Variants in MAP3K5 observed in about 807,000 individuals in gnomAD.
MAP3K5 encodes ASK-1.
In MAP3K5, 56 loss-of-function variants were observed where a neutral mutation model predicts 158.7. The observed-to-expected ratio is 0.35, with a 90% confidence interval of 0.28 to 0.44. The LOEUF is 0.44. Among genes scored for constraint, MAP3K5 ranks in the 20% least tolerant of loss-of-function variants. The pLI is 1.00. For missense variants in MAP3K5, 1,294 were observed against 1,674.8 expected (o/e 0.77, Z 3.97); for synonymous variants, 579 against 601.7 (o/e 0.96, Z 0.55).
intron 1 of MAP3K5, among the ~76,000 whole-genome samples, chr6:136,777,893 C>G (rs1374118248): frequency 1.3e-5 from 2 of 152,126 alleles, no homozygotes; most frequent in African/African-American, 4.8e-5. Context: ...AAGCAAGCAA[C>G]ACAATTTTAT....
At chr6:136,653,226 A>G (rs2114415781) in intron 10 of MAP3K5, among the ~76,000 whole-genome samples, 1 of 152,356 alleles carries the variant, frequency 6.6e-6, no homozygotes, top group Non-Finnish European at 1.5e-5. Context: ...GAGGTAAGAA[A>G]AAAGAATAAA....
intron 14 of MAP3K5, among the ~76,000 whole-genome samples, chr6:136,632,685 G>A (rs1777429422): frequency 6.6e-6 from 1 of 152,098 alleles, no homozygotes; most frequent in Non-Finnish European, 1.5e-5. Flanking sequence ...AAATGAAGGG[G>A]CTGCAGGAAA....
chr6:136,724,337 C>A lies in MAP3K5; in HGVS notation c.449-3748G>T, dbSNP rs567599221. On this transcript the variant is annotated intron_variant, in intron 1 of 29. Coordinates refer to ENST00000359015, the MANE Select transcript of MAP3K5 (RefSeq NM_005923.4). ...AACCTCAGCTCACTGCAACCTCCAC[C>A]ACCCGGGTTCAAGTGTTTCTCCTAC... Among the ~76,000 whole-genome samples the A allele has an allele frequency of 6.5e-4, 98 of 151,694 alleles. 1 individual carries two copies. The highest frequency in any genetic ancestry group is 4.4e-3 in the South Asian group (21 of 4,796).
chr6:136,701,885 A>G (rs1562627173), intron 3 of MAP3K5, among the ~76,000 whole-genome samples: 1 of 152,248 alleles, frequency 6.6e-6, no homozygotes, highest in Admixed American at 6.5e-5. Flanking sequence ...TACTACATAT[A>G]TTAGTTTATC....
At chr6:136,616,914 T>C (rs1776591710) in intron 15 of MAP3K5, among the ~76,000 whole-genome samples, 1 of 150,764 alleles carries the variant, frequency 6.6e-6, no homozygotes, top group Admixed American at 6.6e-5. Flanking sequence ...TTTTTTGTTT[T>C]ACCATGTTGT....
At chr6:136,596,097 G>A (rs1775617716) in intron 21 of MAP3K5, among the ~76,000 whole-genome samples, 1 of 152,166 alleles carries the variant, frequency 6.6e-6, no homozygotes. Flanking sequence ...GGTATTTAAA[G>A]TAAAGGATGA....
In MAP3K5 at chr6:136,720,480, A is replaced by G. The variant is rs1380114266; in HGVS notation, c.558T>C (p.Asp186=). The change falls in exon 2 of 30, where the codon GAT becomes GAC. Residue 186 remains aspartate (D), a synonymous_variant. Coordinates refer to ENST00000359015, the MANE Select transcript of MAP3K5 (RefSeq NM_005923.4). ...SMANNIILYC[D]TNSDSLQSLK... ...GTGACTGCAGAGAGTCCGAGTTAGT[A>G]TCACAGTAGAGGATGATGTTGTTGG... 2 of 1,611,558 alleles carry G rather than the reference A, an allele frequency of 1.2e-6. No individual in the cohort carries two copies. Among genetic ancestry groups the G allele is most frequent in the Non-Finnish European group, 1.7e-6 (2 of 1,178,694 alleles).
intron 1 of MAP3K5, among the ~76,000 whole-genome samples, chr6:136,774,541 G>A (rs9321570): frequency 6.6e-6 from 1 of 152,010 alleles, no homozygotes; most frequent in Admixed American, 6.5e-5. Context: ...ACTGTGAGCC[G>A]CTCCAGGAAA....
chr6:136,767,011 C>T (rs953907085), intron 1 of MAP3K5, among the ~76,000 whole-genome samples: 10 of 152,066 alleles, frequency 6.6e-5, no homozygotes, highest in Non-Finnish European at 1.5e-4. Context: ...TAGATTTATG[C>T]ATTAGATAAG....
intron 2 of MAP3K5, among the ~76,000 whole-genome samples, chr6:136,707,639 A>G (rs1204951438): frequency 1.3e-5 from 2 of 152,266 alleles, no homozygotes; most frequent in Non-Finnish European, 2.9e-5. Flanking sequence ...GTAAGATTAG[A>G]AAGCTATTTG....
At chr6:136,634,470 A>G (rs1382689733) in intron 14 of MAP3K5, among the ~76,000 whole-genome samples, 1 of 152,148 alleles carries the variant, frequency 6.6e-6, no homozygotes, top group Non-Finnish European at 1.5e-5. Context: ...TTCTTCCTAC[A>G]GGCTCTAAAG....
At chr6:136,657,085 C>A (rs1778786002) in intron 9 of MAP3K5, among the ~76,000 whole-genome samples, 1 of 152,140 alleles carries the variant, frequency 6.6e-6, no homozygotes, top group Non-Finnish European at 1.5e-5. Flanking sequence ...ATATTCTATT[C>A]AAGGAAGCGG....
chr6:136,784,028 C>G (rs915089367), intron 1 of MAP3K5, among the ~76,000 whole-genome samples: 4 of 152,168 alleles, frequency 2.6e-5, no homozygotes, highest in Non-Finnish European at 4.4e-5. Flanking sequence ...TTATAGCCAC[C>G]AGAGGGGAAC....
Position 136,694,207 on chromosome 6 carries a change from T to C in MAP3K5, c.1186A>G (p.Ile396Val). The stretch of plus-strand genomic sequence containing the variant: ...GAGTCCAAAAACATATCTTTGTAGA[T>C]TCGACCAACTAGGCAATACATATCT... ...ASDMYCLVGR[I>V]YKDMFLDSNF... Residue 396 changes from isoleucine (I) to valine (V), a missense_variant, in exon 7 of 30, where the codon ATC (isoleucine) becomes GTC (valine). Coordinates refer to ENST00000359015, the MANE Select transcript of MAP3K5 (RefSeq NM_005923.4). 6.2e-7 allele frequency: 1 copy of C among 1,613,902 alleles called. No individual in the cohort carries two copies. Among genetic ancestry groups the C allele is most frequent in the Non-Finnish European group, 8.5e-7 (1 of 1,179,910 alleles).
Position 136,596,695 on chromosome 6 carries a change from G to T in MAP3K5, c.2879-4081C>A, listed in dbSNP as rs78240141. Among the ~76,000 whole-genome samples the T allele has an allele frequency of 3.0e-3, 457 of 152,312 alleles. 3 individuals are homozygous for T. The highest frequency in any genetic ancestry group is 0.01 in the African/African-American group (426 of 41,566). On this transcript the variant is annotated intron_variant, in intron 21 of 29. Coordinates refer to ENST00000359015, the MANE Select transcript of MAP3K5 (RefSeq NM_005923.4). ...TAGGAAAATGGATGTTTTCTCTATT[G>T]TAAGGGGTGGAAAGAGCAAGACAGG...
intron 1 of MAP3K5, among the ~76,000 whole-genome samples, chr6:136,771,442 G>T (rs762390089): frequency 5.3e-5 from 8 of 152,182 alleles, no homozygotes; most frequent in Non-Finnish European, 1.2e-4. Flanking sequence ...CCACCAGTGT[G>T]CCATGTCAAT....
chr6:136,680,087 TATA>T (rs1481989083), intron 7 of MAP3K5, among the ~76,000 whole-genome samples: 1 of 151,440 alleles, frequency 6.6e-6, no homozygotes, highest in Non-Finnish European at 1.5e-5. Context: ...CCAAAGCAAA[TATA>T]ATACCACTTA....
At chr6:136,741,953 T>A (rs1205184704) in intron 1 of MAP3K5, among the ~76,000 whole-genome samples, 2 of 152,070 alleles carry the variant, frequency 1.3e-5, no homozygotes, top group Non-Finnish European at 2.9e-5. Flanking sequence ...GGATAAAAAC[T>A]ATATGAGGAA....
intron 25 of MAP3K5, among the ~76,000 whole-genome samples, chr6:136,571,743 CTTT>C (rs1413771145): frequency 6.6e-6 from 1 of 152,156 alleles, no homozygotes; most frequent in Non-Finnish European, 1.5e-5. Flanking sequence ...TGAAATCCTT[CTTT>C]TAGTTTTTTT....
Sources: gnomAD v4.1 joint callset for allele counts (sites outside exome capture counted in the v4.1 genomes callset) on GRCh38, gnomAD v4.1.1 for gene constraint, MANE v1.5 for transcripts, NCBI Gene and HGNC (gene_info 2026-07-23, HGNC 2026-07-21) for gene names.